EYS: variants seen among roughly 807,000 people sequenced by gnomAD.
The protein encoded by EYS is protein eyes shut homolog.
Under a neutral mutation model 282.1 loss-of-function variants are expected in EYS, and 250 were observed. That is an observed-to-expected ratio of 0.89 (90% CI 0.80 to 0.98). EYS has a LOEUF of 0.98. EYS is among the 50% of genes least tolerant of loss of function. The pLI is 0.00. For synonymous variants in EYS, 1,355 were observed against 1,282.9 expected (o/e 1.06, Z -1.20); for missense variants, 4,016 against 3,709.0 (o/e 1.08, Z -2.15).
intron 26 of EYS, among the ~76,000 whole-genome samples, chr6:64,576,494 A>T (rs1270378119): frequency 1.3e-5 from 2 of 152,060 alleles, no homozygotes; most frequent in Non-Finnish European, 2.9e-5. Context: ...AGGGGGAAAA[A>T]TACCAAACGA....
At chr6:64,456,130 T>G (rs893793385) in intron 26 of EYS, among the ~76,000 whole-genome samples, 1 of 152,112 alleles carries the variant, frequency 6.6e-6, no homozygotes, top group Admixed American at 6.6e-5. Context: ...TAAACAAATT[T>G]GGTAACACAA....
intron 33 of EYS, among the ~76,000 whole-genome samples, chr6:64,029,088 G>A (rs2149827165): frequency 6.6e-6 from 1 of 152,306 alleles, no homozygotes; most frequent in Middle Eastern, 3.4e-3. Flanking sequence ...AACACAGAGG[G>A]CAAATACTCA....
intron 2 of EYS, among the ~76,000 whole-genome samples, chr6:65,600,591 C>T (rs754958818): frequency 6.6e-6 from 1 of 152,004 alleles, no homozygotes; most frequent in African/African-American, 2.4e-5. Flanking sequence ...ATAATGTCCC[C>T]TCGTGAACAC....
intron 2 of EYS, among the ~76,000 whole-genome samples, chr6:65,616,862 A>T (rs1304496089): frequency 1.3e-5 from 2 of 152,176 alleles, no homozygotes; most frequent in Non-Finnish European, 2.9e-5. Context: ...TCTTAGTTCA[A>T]TATTTTTAAT....
At chr6:65,642,020 A>G (rs1285711847) in intron 1 of EYS, among the ~76,000 whole-genome samples, 1 of 152,120 alleles carries the variant, frequency 6.6e-6, no homozygotes, top group Admixed American at 6.5e-5. Context: ...TTAACATCAC[A>G]CTAGATTGTA....
In EYS at chr6:65,117,970, C is replaced by G. The variant is rs569016866; in HGVS notation, c.2024-60243G>C. On this transcript the variant is annotated intron_variant, in intron 12 of 42. Coordinates refer to ENST00000503581, the MANE Select transcript of EYS (RefSeq NM_001142800.2). ...CAATGACATAAAAAGGAAGGCAAAACTTGAACCAGATACTTACAGACAATA... is the reference window on the plus strand; with the variant it reads ...CAATGACATAAAAAGGAAGGCAAAAGTTGAACCAGATACTTACAGACAATA... Among the ~76,000 whole-genome samples the G allele has an allele frequency of 2.5e-4, 38 of 152,158 alleles. 1 individual carries two copies. Among genetic ancestry groups the G allele is most frequent in the African/African-American group, 9.2e-4 (38 of 41,514 alleles).
chr6:64,008,528 G>A (rs1768457233), intron 33 of EYS, among the ~76,000 whole-genome samples: 1 of 152,072 alleles, frequency 6.6e-6, no homozygotes, highest in Non-Finnish European at 1.5e-5. Context: ...TGATTATCAT[G>A]CAGACTTGAT....
chr6:64,805,493 G>A (rs964509034), intron 22 of EYS, among the ~76,000 whole-genome samples: 2 of 151,678 alleles, frequency 1.3e-5, no homozygotes, highest in Non-Finnish European at 3.0e-5. Context: ...ATAAATTATT[G>A]CTAGGTATTT....
rs1240271714 is a variant in EYS at position 65,003,807 on chromosome 6, G to A, written c.2138-6104C>T. Among the ~76,000 whole-genome samples, 2 of 147,574 alleles carry A rather than the reference G, an allele frequency of 1.4e-5. 1 individual carries two copies. The highest frequency in any genetic ancestry group is 3.0e-5 in the Non-Finnish European group (2 of 65,956). ...TGTAGAAATATATTTTAAAGGAGGT[G>A]AGATAAAACCAAATAAGATAGTTTT... On this transcript the variant is annotated intron_variant, in intron 13 of 42. Coordinates refer to ENST00000503581, the MANE Select transcript of EYS (RefSeq NM_001142800.2).
intron 26 of EYS, among the ~76,000 whole-genome samples, chr6:64,442,017 G>C (rs1041201443): frequency 9.2e-5 from 14 of 152,180 alleles, no homozygotes; most frequent in Non-Finnish European, 1.6e-4. Context: ...GCAGAGGTTG[G>C]AACAGTTTGG....
At chr6:65,126,538 C>G (rs1775723317) in intron 12 of EYS, among the ~76,000 whole-genome samples, 1 of 152,118 alleles carries the variant, frequency 6.6e-6, no homozygotes, top group Non-Finnish European at 1.5e-5. Flanking sequence ...CTGACCACAT[C>G]AGCAACACCA....
intron 2 of EYS, among the ~76,000 whole-genome samples, chr6:65,514,358 C>T (rs376169426): frequency 3.9e-5 from 6 of 152,124 alleles, no homozygotes; most frequent in Non-Finnish European, 8.8e-5. Flanking sequence ...AAAATGGCCA[C>T]ACTGCCCAAG....
chr6:65,316,980 G>T (rs972575276), intron 11 of EYS, among the ~76,000 whole-genome samples: 1 of 152,042 alleles, frequency 6.6e-6, no homozygotes, highest in Non-Finnish European at 1.5e-5. Flanking sequence ...ATCATTTGTT[G>T]AAAAGACTAT....
chr6:65,443,343 CAT>C (rs1217854265), intron 5 of EYS, among the ~76,000 whole-genome samples: 1 of 114,036 alleles, frequency 8.8e-6, no homozygotes, highest in South Asian at 2.7e-4. Context: ...TGTATGTACA[CAT>C]ATAGACATAT....
intron 26 of EYS, among the ~76,000 whole-genome samples, chr6:64,566,283 A>C (rs1212132943): frequency 6.6e-6 from 1 of 152,190 alleles, no homozygotes; most frequent in African/African-American, 2.4e-5. Context: ...AGGAAAGAAA[A>C]ATTGACACCC....
Position 65,232,974 on chromosome 6 carries a change from G to T in EYS, c.2023+62889C>A, listed in dbSNP as rs537973234. 3.3e-5 allele frequency among the ~76,000 whole-genome samples: 5 copies of T among 152,122 alleles called. No homozygotes were observed. In the South Asian group the frequency reaches 1.0e-3, roughly 32 times the overall value. The stretch of plus-strand genomic sequence containing the variant: ...TCACATGTGTCAGTACTATTAGTCT[G>T]CTCCTGTGAATTTTTCATTTCAGTT... On this transcript the variant is annotated intron_variant, in intron 12 of 42. Transcript: ENST00000503581.
At chr6:65,144,319 A>G (rs9453204) in intron 12 of EYS, among the ~76,000 whole-genome samples, 4,277 of 152,218 alleles carry the variant, frequency 0.028, 154 homozygotes, top group African/African-American at 0.085. Context: ...AGTCTCAAGT[A>G]AAGAGTACGG....
At chr6:64,354,581 C>T (rs1327414022) in intron 29 of EYS, among the ~76,000 whole-genome samples, 1 of 151,442 alleles carries the variant, frequency 6.6e-6, no homozygotes, top group Admixed American at 6.6e-5. Context: ...TTCTCATTTT[C>T]ATGTGGTATT....
At chr6:65,672,365 G>A (rs1475813217) in intron 1 of EYS, among the ~76,000 whole-genome samples, 3 of 151,996 alleles carry the variant, frequency 2.0e-5, no homozygotes, top group South Asian at 2.1e-4. Context: ...TAAGAAGGAG[G>A]AAATTTCAGC....
Sources: allele counts gnomAD v4.1 joint callset (sites outside exome capture counted in the v4.1 genomes callset), GRCh38; gene constraint gnomAD v4.1.1; transcripts MANE v1.5; gene names NCBI Gene and HGNC (gene_info 2026-07-23, HGNC 2026-07-21).